ANKS1B: variants seen among roughly 807,000 people sequenced by gnomAD.
ANKS1B encodes the protein ankyrin repeat and sterile alpha motif domain-containing protein 1B.
Under a neutral mutation model 148.3 loss-of-function variants are expected in ANKS1B, and 36 were observed. The ratio of observed to expected loss-of-function variants is 0.24; its 90% CI spans 0.19 to 0.32. The LOEUF (loss-of-function observed/expected upper bound fraction) is 0.32. ANKS1B is among the 10% of genes least tolerant of loss of function. ANKS1B has a pLI of 1.00. For synonymous variants in ANKS1B, 542 were observed against 560.8 expected (o/e 0.97, Z 0.47); for missense variants, 1,157 against 1,542.6 (o/e 0.75, Z 4.19).
chr12:99,374,522 T>TTAA (rs1236904114), intron 12 of ANKS1B, among the ~76,000 whole-genome samples: 1 of 152,182 alleles, frequency 6.6e-6, no homozygotes, highest in Non-Finnish European at 1.5e-5. Flanking sequence ...GGCTCCGAAA[T>TTAA]AATAGAGTAA....
At chr12:99,104,770 T>C (rs2058767455) in intron 15 of ANKS1B, 1 of 152,286 alleles carries the variant, frequency 6.6e-6, no homozygotes, top group African/African-American at 2.4e-5. Flanking sequence ...ACTGTCTCTT[T>C]ACCTCACTTT....
intron 1 of ANKS1B, among the ~76,000 whole-genome samples, chr12:99,904,679 G>C (rs1198041792): frequency 6.6e-6 from 1 of 152,070 alleles, no homozygotes; most frequent in Non-Finnish European, 1.5e-5. Flanking sequence ...AACCATAATG[G>C]AGCATCTGCA....
intron 17 of ANKS1B, among the ~76,000 whole-genome samples, chr12:98,913,240 A>G (rs546119644): frequency 2.1e-4 from 32 of 152,188 alleles, no homozygotes; most frequent in African/African-American, 7.5e-4. Flanking sequence ...GTGTAGACTG[A>G]TTTCCATGTA....
intron 14 of ANKS1B, among the ~76,000 whole-genome samples, chr12:99,204,130 C>T (rs950704228): frequency 6.6e-6 from 1 of 152,162 alleles, no homozygotes; most frequent in Non-Finnish European, 1.5e-5. Context: ...AAATTTTCAG[C>T]AAGCTTCATA....
chr12:99,283,195 T>A (rs1396978966), intron 12 of ANKS1B, among the ~76,000 whole-genome samples: 1 of 152,118 alleles, frequency 6.6e-6, no homozygotes, highest in Non-Finnish European at 1.5e-5. Context: ...AGAAGTAACA[T>A]GGGAAAGCAT....
rs71305587 is a variant in ANKS1B at position 98,745,375 on chromosome 12, CT to C, written c.*363del. The C allele has an allele frequency of 0.036, 32,373 of 890,870 alleles. 85 individuals carry two copies. Among genetic ancestry groups the C allele is most frequent in the African/African-American group, 0.087 (3,587 of 41,186 alleles). 55.2% of individuals were successfully genotyped at this position (890,870 alleles called of 1,614,324 possible). Reference sequence around the variant, plus strand: ...TAGGCAGTATTAGAGATCCCCTTTACTTTTTTTTTTTTTTTTTTTTTTTTAA... The same window carrying C: ...TAGGCAGTATTAGAGATCCCCTTTACTTTTTTTTTTTTTTTTTTTTTTTAA... On this transcript the variant is annotated 3_prime_UTR_variant, in exon 27 of 27. Coordinates refer to ENST00000683438, the MANE Select transcript of ANKS1B (RefSeq NM_001352186.2).
chr12:98,950,620 A>C lies in ANKS1B; in HGVS notation c.2778+102537T>G, dbSNP rs1189988062. ...AATGAACTTGATTAATTACAAATCC[A>C]GATTTTTTAGTCCTGCCCCCCAAAA... On this transcript the variant is annotated intron_variant, in intron 17 of 26. Coordinates refer to ENST00000683438, the MANE Select transcript of ANKS1B (RefSeq NM_001352186.2). Among the ~76,000 whole-genome samples, 5 of 150,852 alleles carry C rather than the reference A, an allele frequency of 3.3e-5. No individual in the cohort carries two copies. The East Asian group carries it at 9.8e-4, about 30-fold the overall frequency.
At chr12:98,925,361 A>G (rs982436762) in intron 17 of ANKS1B, among the ~76,000 whole-genome samples, 4 of 152,186 alleles carry the variant, frequency 2.6e-5, no homozygotes, top group South Asian at 2.1e-4. Flanking sequence ...ATGTAACTTA[A>G]TCTTGATATT....
chr12:99,830,942 A>G (rs2083898874), intron 1 of ANKS1B, among the ~76,000 whole-genome samples: 1 of 152,170 alleles, frequency 6.6e-6, no homozygotes, highest in African/African-American at 2.4e-5. Flanking sequence ...TTCTGCTCAA[A>G]TGTCATCTCT....
At chr12:99,611,968 G>A (rs1476846530) in intron 9 of ANKS1B, among the ~76,000 whole-genome samples, 4 of 151,958 alleles carry the variant, frequency 2.6e-5, no homozygotes, top group Non-Finnish European at 5.9e-5. Context: ...TAAATGTCCT[G>A]AATATCTAAA....
At chr12:98,844,999 A>G (rs957991653) in intron 17 of ANKS1B, among the ~76,000 whole-genome samples, 2 of 152,236 alleles carry the variant, frequency 1.3e-5, no homozygotes, top group African/African-American at 4.8e-5. Flanking sequence ...AAAGAAATCA[A>G]TTGTTCAAGT....
intron 9 of ANKS1B, among the ~76,000 whole-genome samples, chr12:99,531,261 T>C (rs375153769): frequency 2.0e-5 from 3 of 151,990 alleles, no homozygotes; most frequent in African/African-American, 7.3e-5. Context: ...TAGCTACTTT[T>C]GTTGTTGTTG....
intron 9 of ANKS1B, among the ~76,000 whole-genome samples, chr12:99,513,427 G>T (rs938911505): frequency 1.3e-5 from 2 of 151,982 alleles, no homozygotes; most frequent in Non-Finnish European, 2.9e-5. Context: ...TTGATTAGTG[G>T]AGCGTTTAAA....
rs982071106 is a variant in ANKS1B at position 99,406,828 on chromosome 12, C to T, written c.1576-7017G>A. On this transcript the variant is annotated intron_variant, in intron 11 of 26. Transcript: ENST00000683438. ...ATAAAATGAGAGAAGAAAAAGACAA[C>T]GTTACAACTGATGCCACAGAAATTC... 2.7e-5 allele frequency among the ~76,000 whole-genome samples: 4 copies of T among 145,898 alleles called. 1 individual carries two copies. The highest frequency in any genetic ancestry group is 4.2e-4 in the South Asian group (2 of 4,768).
chr12:99,202,709 A>G (rs1025907890), intron 14 of ANKS1B, among the ~76,000 whole-genome samples: 1 of 152,236 alleles, frequency 6.6e-6, no homozygotes, highest in African/African-American at 2.4e-5. Flanking sequence ...CTATTGCTGT[A>G]TAACAATCAA....
intron 1 of ANKS1B, among the ~76,000 whole-genome samples, chr12:99,890,792 C>G (rs1023304884): frequency 6.6e-6 from 1 of 151,880 alleles, no homozygotes; most frequent in Non-Finnish European, 1.5e-5. Flanking sequence ...GAAGATGTGA[C>G]CAGAGATAGG....
chr12:99,327,233 T>TAATAATTATAAATTATTATAATTATATA (rs2086551508), intron 12 of ANKS1B, among the ~76,000 whole-genome samples: 1 of 108,196 alleles, frequency 9.2e-6, no homozygotes, highest in African/African-American at 3.7e-5. Flanking sequence ...TTTATAATTA[T>TAATAATTATAAATTATTATAATTATATA]AATAATTATA....
intron 10 of ANKS1B, among the ~76,000 whole-genome samples, chr12:99,469,454 A>T (rs184299242): frequency 1.5e-4 from 23 of 150,634 alleles, no homozygotes; most frequent in East Asian, 3.9e-4. Flanking sequence ...AATAAAATTT[A>T]AAAAAAAATT....
At chr12:99,628,435 G>A (rs1427338734) in intron 9 of ANKS1B, among the ~76,000 whole-genome samples, 1 of 152,114 alleles carries the variant, frequency 6.6e-6, no homozygotes, top group Non-Finnish European at 1.5e-5. Flanking sequence ...GAGCTTAAAA[G>A]TCTGAAAACT....
Sources: allele counts gnomAD v4.1 joint callset (sites outside exome capture counted in the v4.1 genomes callset), GRCh38; gene constraint gnomAD v4.1.1; transcripts MANE v1.5; gene names NCBI Gene and HGNC (gene_info 2026-07-23, HGNC 2026-07-21).